Variants in ATP8B4 observed in about 807,000 individuals in gnomAD.
ATP8B4 encodes the protein probable phospholipid-transporting ATPase IM.
In ATP8B4, 133 loss-of-function variants were observed where a neutral mutation model predicts 145.6. That is an observed-to-expected ratio of 0.91 (90% CI 0.79 to 1.05). ATP8B4 has a LOEUF of 1.05. ATP8B4 is among the 50% of genes least tolerant of loss of function. ATP8B4 has a pLI of 0.00. For synonymous variants in ATP8B4, 507 were observed against 492.9 expected, an observed-to-expected ratio of 1.03 and a Z score of -0.38; for missense variants, 1,458 against 1,425.2, an observed-to-expected ratio of 1.02 and a Z score of -0.37.
intron 4 of ATP8B4, 29 bp downstream of exon 4, chr15:50,047,322 A>G (rs376760557): frequency 1.7e-5 from 23 of 1,344,858 alleles, no homozygotes; most frequent in Non-Finnish European, 2.4e-5. Context: ...AAACAAACAG[A>G]TAATAGAGAA....
chr15:50,085,911 T>TTATATATGATATATATCATATATA (rs2054917680), intron 2 of ATP8B4, among the ~76,000 whole-genome samples: 2 of 92,044 alleles, frequency 2.2e-5, no homozygotes, highest in Non-Finnish European at 3.9e-5. Context: ...TCATATATAT[T>TTATATATGATATATATCATATATA]TATATATGAT....
intron 2 of ATP8B4, among the ~76,000 whole-genome samples, chr15:50,087,087 T>G (rs1232516371): frequency 1.9e-5 from 2 of 104,530 alleles, no homozygotes; most frequent in Admixed American, 2.2e-4. Context: ...GAGATCTATA[T>G]TATATATAAT....
At chr15:50,060,187 A>C (rs1419956729) in intron 3 of ATP8B4, among the ~76,000 whole-genome samples, 1 of 152,216 alleles carries the variant, frequency 6.6e-6, no homozygotes, top group Non-Finnish European at 1.5e-5. Context: ...GAAGGAGGGC[A>C]GGCAGACATG....
intron 23 of ATP8B4, among the ~76,000 whole-genome samples, chr15:49,884,364 G>A (rs1023080818): frequency 3.3e-5 from 5 of 152,040 alleles, no homozygotes; most frequent in Admixed American, 6.6e-5. Context: ...CACTTTGGGG[G>A]TCGAGGCTAG....
At chr15:49,896,812 A>G (rs2037447581) in intron 23 of ATP8B4, 1 of 152,550 alleles carries the variant, frequency 6.6e-6, no homozygotes, top group Admixed American at 6.5e-5. Flanking sequence ...TCCTACCAGC[A>G]TTATCTATAG....
intron 7 of ATP8B4, chr15:50,009,651 G>A: frequency 2.2e-6 from 1 of 454,566 alleles, no homozygotes; most frequent in Non-Finnish European, 4.4e-6. Flanking sequence ...CCACCTTCCA[G>A]GGTATTATTC....
intron 6 of ATP8B4, among the ~76,000 whole-genome samples, chr15:50,028,266 TC>T (rs2050161781): frequency 1.3e-5 from 2 of 152,244 alleles, no homozygotes; most frequent in African/African-American, 4.8e-5. Flanking sequence ...CTTTTCCTTT[TC>T]CTTCCAGTAT....
chr15:50,048,969 C>T (rs1250508225), intron 3 of ATP8B4, among the ~76,000 whole-genome samples: 1 of 152,006 alleles, frequency 6.6e-6, no homozygotes, highest in Non-Finnish European at 1.5e-5. Flanking sequence ...GGAGTTAAGG[C>T]AGGAGCGGGA....
intron 2 of ATP8B4, among the ~76,000 whole-genome samples, chr15:50,082,528 T>C (rs2054620622): frequency 6.6e-6 from 1 of 152,218 alleles, no homozygotes; most frequent in Non-Finnish European, 1.5e-5. Flanking sequence ...TTGGAAAATT[T>C]GATTTGAGAA....
At chr15:50,152,346 T>C (rs1337098060) in intron 1 of ATP8B4, among the ~76,000 whole-genome samples, 1 of 152,198 alleles carries the variant, frequency 6.6e-6, no homozygotes, top group Non-Finnish European at 1.5e-5. Flanking sequence ...GTTATTTTTA[T>C]GGCAGACAAC....
chr15:50,139,812 A>C (rs992624939), intron 1 of ATP8B4, among the ~76,000 whole-genome samples: 1 of 152,238 alleles, frequency 6.6e-6, no homozygotes, highest in Non-Finnish European at 1.5e-5. Context: ...CATCCTAAAG[A>C]AACTATTTTT....
At chr15:49,926,642 T>A (rs2040751392) in intron 16 of ATP8B4, among the ~76,000 whole-genome samples, 1 of 152,182 alleles carries the variant, frequency 6.6e-6, no homozygotes, top group Admixed American at 6.5e-5. Context: ...CACATAGAAC[T>A]ACCTTTCAAC....
At chr15:49,952,734 C>T (rs2043210157) in intron 14 of ATP8B4, among the ~76,000 whole-genome samples, 1 of 152,084 alleles carries the variant, frequency 6.6e-6, no homozygotes, top group Non-Finnish European at 1.5e-5. Context: ...AGTTCTGCAC[C>T]CTTGATGGAG....
intron 1 of ATP8B4, among the ~76,000 whole-genome samples, chr15:50,153,339 C>T (rs976077577): frequency 1.6e-5 from 2 of 126,652 alleles, no homozygotes; most frequent in East Asian, 3.3e-4. Flanking sequence ...CAAAAAGATA[C>T]ACCTTTTTTT....
At chr15:49,960,166 T>C (rs1599440087) in intron 14 of ATP8B4, among the ~76,000 whole-genome samples, 2 of 152,028 alleles carry the variant, frequency 1.3e-5, no homozygotes, top group African/African-American at 4.8e-5. Context: ...TAGCTGGGAC[T>C]ATAGGCACCA....
intron 1 of ATP8B4, among the ~76,000 whole-genome samples, chr15:50,138,309 T>TATAG (rs1216378146): frequency 2.6e-4 from 36 of 141,172 alleles, no homozygotes; most frequent in African/African-American, 9.1e-4. Flanking sequence ...TAGATACATA[T>TATAG]ATAGATAGAT....
chr15:50,151,096 T>A (rs560075343), intron 1 of ATP8B4, among the ~76,000 whole-genome samples: 1 of 152,332 alleles, frequency 6.6e-6, no homozygotes, highest in South Asian at 2.1e-4. Flanking sequence ...TTATCTAGTT[T>A]CAGCTTATAG....
chr15:49,926,153 T>G (rs901154636), intron 16 of ATP8B4, among the ~76,000 whole-genome samples: 22 of 152,154 alleles, frequency 1.4e-4, no homozygotes, highest in African/African-American at 5.3e-4. Flanking sequence ...CCAATCCATC[T>G]CTAGCACTCC....
intron 17 of ATP8B4, among the ~76,000 whole-genome samples, chr15:49,921,773 A>G (rs1309457487): frequency 6.6e-6 from 1 of 152,242 alleles, no homozygotes; most frequent in African/African-American, 2.4e-5. Flanking sequence ...ATATTGAGAA[A>G]AAGTATCCAA....
Sources: allele counts gnomAD v4.1 joint callset (sites outside exome capture counted in the v4.1 genomes callset), GRCh38; gene constraint gnomAD v4.1.1; transcripts MANE v1.5; gene names NCBI Gene and HGNC (gene_info 2026-07-23, HGNC 2026-07-21).